The following GLDC variants were observed in gnomAD, a reference collection of about 807,000 sequenced individuals.
The protein encoded by GLDC is glycine dehydrogenase (decarboxylating), mitochondrial.
GLDC carries 104 observed loss-of-function variants against 121.3 expected under a neutral mutation model. The ratio of observed to expected loss-of-function variants is 0.86; its 90% CI spans 0.73 to 1.01. GLDC has a LOEUF of 1.01. Among genes scored for constraint, GLDC ranks in the 50% least tolerant of loss-of-function variants. The pLI, the probability that GLDC is intolerant of heterozygous loss-of-function variation, is 0.00. For synonymous variants in GLDC, 546 were observed against 480.6 expected (o/e 1.14, Z -1.78); for missense variants, 1,429 against 1,306.6 (o/e 1.09, Z -1.44).
Position 6,604,655 on chromosome 9 carries a change from C to G in GLDC, c.991G>C (p.Ala331Pro). ...GVPLGYGGPH[A>P]AFFAVRESLV... Reference sequence around the variant, plus strand: ...CTTTCTCGGACAGCAAAAAATGCTGCATGGGGTCCCCCATAGCCCAGTGGC... The same window carrying G: ...CTTTCTCGGACAGCAAAAAATGCTGGATGGGGTCCCCCATAGCCCAGTGGC... The change falls in exon 7 of 25, where the codon GCA (alanine) becomes CCA (proline). Residue 331 changes from alanine (A) to proline (P), a missense_variant. Coordinates refer to ENST00000321612, the MANE Select transcript of GLDC (RefSeq NM_000170.3). The G allele has an allele frequency of 6.2e-7, 1 of 1,614,018 alleles. No individual in the cohort carries two copies. Among genetic ancestry groups the G allele is most frequent in the Non-Finnish European group, 8.5e-7 (1 of 1,180,028 alleles).
chr9:6,595,040 T>A lies in GLDC; in HGVS notation c.1235A>T (p.His412Leu), dbSNP rs1294232438. Residue 412 changes from histidine to leucine, a missense_variant, in exon 9 of 25, where the codon CAT (histidine) becomes CTT (leucine). Coordinates refer to ENST00000321612, the MANE Select transcript of GLDC (RefSeq NM_000170.3). ...HGLEHIARRVHNATLILSEGL... is the reference protein window; with the variant it reads ...HGLEHIARRVLNATLILSEGL... ...TTCTGACAAAATCAAAGTGGCATTATGTACCCTCCTAGCAATATGCTCCAG... is the reference window on the plus strand; with the variant it reads ...TTCTGACAAAATCAAAGTGGCATTAAGTACCCTCCTAGCAATATGCTCCAG... 6.2e-7 allele frequency: 1 copy of A among 1,608,710 alleles called. No individual in the cohort carries two copies. The highest frequency in any genetic ancestry group is 8.5e-7 in the Non-Finnish European group (1 of 1,175,150).
At chr9:6,598,346 TAGAATGGGGCCTGCTGAGCC>T (rs1224496698) in intron 8 of GLDC, among the ~76,000 whole-genome samples, 3 of 152,212 alleles carry the variant, frequency 2.0e-5, no homozygotes, top group African/African-American at 7.2e-5. Flanking sequence ...AGTTTTGTTT[TAGAATGGGGCCTGCTGAGCC>T]AGAATAGGCT....
At chr9:6,604,847 T>C in intron 6 of GLDC, 63 bp from the exon 7 acceptor site, 3 of 1,314,214 alleles carry the variant, frequency 2.3e-6, no homozygotes, top group East Asian at 2.3e-5. Flanking sequence ...AGTGGGAGAG[T>C]AGGAAATTAT....
Position 6,588,692 on chromosome 9 carries a change from C to A in GLDC, c.1591G>T (p.Glu531Ter). 1 of 1,612,276 alleles carries A rather than the reference C, an allele frequency of 6.2e-7. No individual in the cohort carries two copies. The highest frequency in any genetic ancestry group is 8.5e-7 in the Non-Finnish European group (1 of 1,178,332). Residue 531 changes from glutamate (E) to a stop codon, truncating the protein, a stop_gained, in exon 13 of 25, where the codon GAA becomes TAA. Transcript: ENST00000321612. LOFTEE classifies it high-confidence loss of function. ...TTCATGTACCGGACAATGTTTGTTT[C>A]AGAGTGGTAGCTGTGAACACAAAAC... ...THQVFNSYHS[E>*]TNIVRYMKKL...
chr9:6,634,918 G>A (rs889420631), intron 2 of GLDC, among the ~76,000 whole-genome samples: 1 of 151,986 alleles, frequency 6.6e-6, no homozygotes, highest in African/African-American at 2.4e-5. Flanking sequence ...AACTTTTCCT[G>A]TCTACCCATT....
At chr9:6,607,099 A>G (rs1364774280) in intron 4 of GLDC, among the ~76,000 whole-genome samples, 1 of 152,170 alleles carries the variant, frequency 6.6e-6, no homozygotes, top group Non-Finnish European at 1.5e-5. Context: ...TTGAGTCATC[A>G]GTAACTAATG....
rs371780175 is a variant in GLDC at position 6,614,501 on chromosome 9, T to C, written c.471-4145A>G. 1.6e-4 allele frequency among the ~76,000 whole-genome samples: 24 copies of C among 151,122 alleles called. No homozygotes were observed. In the South Asian group the frequency reaches 1.9e-3, roughly 12 times the overall value. On this transcript the variant is annotated intron_variant, in intron 3 of 24. Transcript: ENST00000321612. ...CCACCCACCTCAGCCTCCCAAAATG[T>C]TGGGAATACAGGCGTGAGCCACCAC...
intron 15 of GLDC, among the ~76,000 whole-genome samples, chr9:6,586,127 C>G (rs969389652): frequency 6.6e-6 from 1 of 152,062 alleles, no homozygotes; most frequent in Non-Finnish European, 1.5e-5. Context: ...GAAACCCCAT[C>G]TCTACTAAAA....
At chr9:6,600,930 T>G (rs1029769350) in intron 8 of GLDC, among the ~76,000 whole-genome samples, 3 of 152,142 alleles carry the variant, frequency 2.0e-5, no homozygotes, top group South Asian at 2.1e-4. Context: ...ATCCCAACAC[T>G]TTGGGAGGCC....
At chr9:6,623,258 TTGTTC>T (rs1174817387) in intron 2 of GLDC, among the ~76,000 whole-genome samples, 1 of 140,222 alleles carries the variant, frequency 7.1e-6, no homozygotes, top group Non-Finnish European at 1.5e-5. Context: ...ACTTTTCATT[TTGTTC>T]TGTACTAAGA....
chr9:6,623,374 GGGC>G (rs1406081029), intron 2 of GLDC, among the ~76,000 whole-genome samples: 1 of 145,118 alleles, frequency 6.9e-6, no homozygotes, highest in Non-Finnish European at 1.5e-5. Flanking sequence ...AATGGATTAA[GGGC>G]GGTGCAAGAT....
intron 24 of GLDC, among the ~76,000 whole-genome samples, chr9:6,534,365 A>G (rs1161103310): frequency 6.6e-6 from 1 of 152,034 alleles, no homozygotes; most frequent in Admixed American, 6.6e-5. Flanking sequence ...AACAGACTAC[A>G]CAGAACCTTC....
intron 2 of GLDC, among the ~76,000 whole-genome samples, chr9:6,621,809 C>G (rs115334823): frequency 1.2e-4 from 18 of 152,332 alleles, no homozygotes; most frequent in African/African-American, 3.8e-4. Flanking sequence ...AGCCACCGCG[C>G]CCTGCCACTG....
chr9:6,592,752 G>C (rs1818399503), intron 10 of GLDC, 99 bp downstream of exon 10: 3 of 1,199,034 alleles, frequency 2.5e-6, no homozygotes, highest in Non-Finnish European at 3.6e-6. Flanking sequence ...TGTGCCTAAA[G>C]TTTTCCTTTT....
intron 15 of GLDC, among the ~76,000 whole-genome samples, chr9:6,583,994 T>C (rs1818219119): frequency 6.6e-6 from 1 of 152,240 alleles, no homozygotes; most frequent in Admixed American, 6.5e-5. Context: ...GCCTCTGAAC[T>C]GTACACTTAA....
Position 6,589,200 on chromosome 9 carries a change from G to C in GLDC, c.1575C>G (p.Phe525Leu), listed in dbSNP as rs1818328230. 1 of 1,584,736 alleles carries C rather than the reference G, an allele frequency of 6.3e-7. No individual in the cohort carries two copies. Among genetic ancestry groups the C allele is most frequent in the Non-Finnish European group, 8.7e-7 (1 of 1,153,384 alleles). Residue 525 changes from phenylalanine to leucine, a missense_variant, in exon 12 of 25, where the codon TTC becomes TTG. By Grantham distance (22) the Phe-to-Leu change is conservative. Transcript: ENST00000321612. ...GTCACACAAGACACACAAACCTGTT[G>C]AACACTTGATGGGTGAGGAACGGGC... ...RTSPFLTHQV[F>L]NSYHSETNIV...
intron 2 of GLDC, among the ~76,000 whole-genome samples, chr9:6,624,106 T>C (rs1007433667): frequency 6.6e-6 from 1 of 152,144 alleles, no homozygotes; most frequent in Non-Finnish European, 1.5e-5. Flanking sequence ...ACTGATGGTG[T>C]GGAAAGGTCA....
At chr9:6,542,872 TG>T (rs1423728856) in intron 21 of GLDC, among the ~76,000 whole-genome samples, 3 of 98,900 alleles carry the variant, frequency 3.0e-5, no homozygotes, top group Non-Finnish European at 5.6e-5. Flanking sequence ...GGTGACGGAG[TG>T]AGACCTTTTC....
At chr9:6,566,923 T>C (rs1472403462) in intron 15 of GLDC, among the ~76,000 whole-genome samples, 1 of 152,180 alleles carries the variant, frequency 6.6e-6, no homozygotes, top group Admixed American at 6.5e-5. Flanking sequence ...GTCTGAGTGC[T>C]ACATGCCAAA....
Sources: gnomAD v4.1 joint callset for allele counts (sites outside exome capture counted in the v4.1 genomes callset) on GRCh38, gnomAD v4.1.1 for gene constraint, MANE v1.5 for transcripts, NCBI Gene and HGNC (gene_info 2026-07-23, HGNC 2026-07-21) for gene names.